ZNF568: variants seen among roughly 807,000 people sequenced by gnomAD.
ZNF568 encodes p53 inhibitor of SCO2 activation.
Under a neutral mutation model 18.1 loss-of-function variants are expected in ZNF568, and 11 were observed. The ratio of observed to expected loss-of-function variants is 0.61; its 90% confidence interval spans 0.38 to 1.00. The LOEUF (loss-of-function observed/expected upper bound fraction) is 1.00. Ranked by LOEUF, ZNF568 falls within the 50% of genes least tolerant of loss-of-function variation. The pLI, the probability that ZNF568 is intolerant of heterozygous loss-of-function variation, is 0.01. For missense variants in ZNF568, 639 were observed against 768.2 expected, an observed-to-expected ratio of 0.83 and a Z score of 1.99; for synonymous variants, 213 against 246.6, an observed-to-expected ratio of 0.86 and a Z score of 1.28.
chr19:36,988,734 T>G (rs1346666154), intron 2 of ZNF568, among the ~76,000 whole-genome samples: 1 of 152,136 alleles, frequency 6.6e-6, no homozygotes, highest in African/African-American at 2.4e-5. Flanking sequence ...CCTAGCACTT[T>G]GGGGTCATAT....
rs762970968 is a variant in ZNF568, at chr19:36,949,762, G to A, written c.609G>A (p.Gln203=). 10 of 1,613,954 alleles carry A rather than the reference G, an allele frequency of 6.2e-6. No individual in the cohort carries two copies. Among genetic ancestry groups the A allele is most frequent in the Non-Finnish European group, 8.5e-6 (10 of 1,179,922 alleles). Residue 203 remains glutamine (Q), a synonymous_variant, in exon 7 of 7, where the codon CAG becomes CAA. Coordinates refer to ENST00000333987, the MANE Select transcript of ZNF568 (RefSeq NM_198539.4). ...RYEKGCVREK[Q]SNEFGKPFYH... ...AGAAAGGCTGTGTAAGAGAGAAACA[G>A]AGTAATGAGTTTGGGAAACCATTTT...
At position 36,951,141 on chromosome 19, in the gene ZNF568, A is replaced by G; in HGVS notation, c.*53A>G. The G allele has an allele frequency of 1.4e-6, 2 of 1,463,114 alleles. No individual in the cohort carries two copies. Among genetic ancestry groups the G allele is most frequent in the Non-Finnish European group, 1.8e-6 (2 of 1,110,422 alleles). The allele number at this position is 1,463,114 out of a possible 1,614,324, so 90.6% of individuals were successfully genotyped here. On this transcript the variant is annotated 3_prime_UTR_variant, in exon 7 of 7. Transcript: ENST00000333987. ...CATGTTTTACTTAAAATATCTTGGCATAAGCTCAAAAAAGCCAGGATCTTT... is the reference window on the plus strand; with the variant it reads ...CATGTTTTACTTAAAATATCTTGGCGTAAGCTCAAAAAAGCCAGGATCTTT...
At chr19:36,925,320 T>A in intron 4 of ZNF568, 62 bp downstream of exon 4, 1 of 1,390,032 alleles carries the variant, frequency 7.2e-7, no homozygotes, top group Non-Finnish European at 1.0e-6. Context: ...GGTGGGTTCT[T>A]GTAACCTACC....
At chr19:36,987,521 G>T (rs1214957350) in intron 2 of ZNF568, among the ~76,000 whole-genome samples, 1 of 152,058 alleles carries the variant, frequency 6.6e-6, no homozygotes, top group East Asian at 1.9e-4. Flanking sequence ...GGAACCCTCT[G>T]TTGTAGAAAT....
intron 6 of ZNF568, among the ~76,000 whole-genome samples, chr19:36,966,963 T>G (rs375884685): frequency 1.6e-4 from 25 of 152,320 alleles, no homozygotes; most frequent in East Asian, 1.4e-3. Flanking sequence ...CGTAGCTTGC[T>G]TGTGCAATGG....
At position 36,948,695 on chromosome 19, in the gene ZNF568, C is replaced by T. The variant is rs538050912; in HGVS notation, c.359-817C>T. On this transcript the variant is annotated intron_variant, in intron 6 of 6. Transcript: ENST00000333987. ...TTTTTTTTTTTTTTCAGATTTCCTA[C>T]ATAGATGATCACATCACCTGTGAAC... Among the ~76,000 whole-genome samples the T allele has an allele frequency of 7.7e-5, 8 of 103,340 alleles. No homozygotes were observed. The South Asian group carries it at 2.7e-3, about 34-fold the overall frequency. 67.8% of individuals were successfully genotyped at this position (103,340 alleles called of 152,430 possible).
intron 4 of ZNF568, among the ~76,000 whole-genome samples, chr19:36,929,653 C>G (rs1330543518): frequency 6.7e-6 from 1 of 148,900 alleles, no homozygotes; most frequent in Non-Finnish European, 1.5e-5. Flanking sequence ...CCATTGCACT[C>G]CAGCCTGGGC....
downstream of ZNF568, chr19:36,997,729 G>A: frequency 2.7e-6 from 2 of 734,636 alleles, no homozygotes; most frequent in Non-Finnish European, 4.5e-6. Flanking sequence ...AAGAAATGAG[G>A]GATGGCTCAG....
At chr19:36,956,947 T>G (rs946768160), downstream of ZNF568, among the ~76,000 whole-genome samples, 2 of 152,168 alleles carry the variant, frequency 1.3e-5, no homozygotes, top group Admixed American at 6.5e-5. Flanking sequence ...TACATGTTAA[T>G]ACAAGCAATA....
chr19:36,939,439 C>T (rs2073842194), intron 6 of ZNF568, among the ~76,000 whole-genome samples: 1 of 152,012 alleles, frequency 6.6e-6, no homozygotes, highest in Admixed American at 6.5e-5. Context: ...TGGGTTTCTT[C>T]CCTGCCTAAT....
intron 7 of ZNF568, among the ~76,000 whole-genome samples, chr19:36,974,739 A>G (rs952925700): frequency 1.3e-5 from 2 of 152,130 alleles, no homozygotes; most frequent in Admixed American, 6.6e-5. Context: ...TGGCAGGGAA[A>G]TTGAACAACA....
chr19:36,935,925 CT>C (rs1421723826), intron 4 of ZNF568, among the ~76,000 whole-genome samples: 2 of 151,710 alleles, frequency 1.3e-5, no homozygotes, highest in African/African-American at 4.8e-5. Flanking sequence ...ACAATCTGTC[CT>C]TTTTTTTGGC....
chr19:36,995,187 C>G (rs955814972), intron 4 of ZNF568, among the ~76,000 whole-genome samples: 1 of 152,014 alleles, frequency 6.6e-6, no homozygotes, highest in Non-Finnish European at 1.5e-5. Flanking sequence ...CAATTGAGGT[C>G]AGGTGTTTGA....
intron 3 of ZNF568, among the ~76,000 whole-genome samples, chr19:36,923,381 G>A (rs1600765470): frequency 6.6e-6 from 1 of 152,072 alleles, no homozygotes; most frequent in African/African-American, 2.4e-5. Flanking sequence ...GAGGTTGAAG[G>A]TTGACCAGAT....
At chr19:36,977,727 A>C (rs2074297687) in intron 7 of ZNF568, among the ~76,000 whole-genome samples, 1 of 151,980 alleles carries the variant, frequency 6.6e-6, no homozygotes, top group East Asian at 1.9e-4. Context: ...TTCATTGTCT[A>C]TTTCTCCCTG....
intron 4 of ZNF568, among the ~76,000 whole-genome samples, chr19:36,934,707 C>T (rs62115616): frequency 0.022 from 3,359 of 152,242 alleles, 59 homozygotes; most frequent in Non-Finnish European, 0.035. Context: ...CCCTCTAAAA[C>T]TTGCTTTAAT....
intron 6 of ZNF568, among the ~76,000 whole-genome samples, chr19:36,962,894 T>C (rs2074166358): frequency 1.3e-5 from 2 of 152,182 alleles, no homozygotes; most frequent in Non-Finnish European, 2.9e-5. Flanking sequence ...TTTTTTTTTC[T>C]TCTAAGGATT....
At chr19:36,974,413 C>CT (rs1196396460) in intron 6 of ZNF568, 2 of 1,535,842 alleles carry the variant, frequency 1.3e-6, no homozygotes, top group African/African-American at 1.4e-5. Flanking sequence ...CCACATCTTT[C>CT]TTTAAGAACC....
Position 36,950,075 on chromosome 19 carries a change from T to A in ZNF568, c.922T>A (p.Cys308Ser). ...RIHTGEKPYA[C>S]KDCWKAFSQK... is the part of the protein sequence containing the mutation. ...TCATACTGGGGAGAAACCTTATGCA[T>A]GTAAGGATTGTTGGAAAGCCTTCAG... Residue 308 changes from cysteine (C) to serine (S), a missense_variant, in exon 7 of 7, where the codon TGT (cysteine) becomes AGT (serine). Transcript: ENST00000333987. 1 of 1,613,884 alleles carries A rather than the reference T, an allele frequency of 6.2e-7. No individual in the cohort carries two copies. The highest frequency in any genetic ancestry group is 8.5e-7 in the Non-Finnish European group (1 of 1,179,932).
Sources: allele counts gnomAD v4.1 joint callset (sites outside exome capture counted in the v4.1 genomes callset), GRCh38; gene constraint gnomAD v4.1.1; transcripts MANE v1.5; gene names NCBI Gene and HGNC (gene_info 2026-07-23, HGNC 2026-07-21).